The following APP variants were observed in gnomAD, a reference collection of about 807,000 sequenced individuals.
The protein encoded by APP is amyloid beta precursor protein.
APP carries 31 observed loss-of-function variants against 101.4 expected under a neutral mutation model. The ratio of observed to expected loss-of-function variants is 0.31; its 90% CI spans 0.23 to 0.41. The LOEUF (loss-of-function observed/expected upper bound fraction) is 0.41, where lower values mean the gene tolerates loss of function less well. Among genes scored for constraint, APP ranks in the 10% least tolerant of loss-of-function variants. The probability of loss-of-function intolerance (pLI) is 1.00; values close to 1 mark genes in which losing one functional copy is unlikely to be tolerated. For missense variants in APP, 839 were observed against 1,003.7 expected (o/e 0.84, Z 2.22); for synonymous variants, 366 against 364.4 (o/e 1.00, Z -0.05).
chr21:25,901,591 T>C (rs571864390), intron 15 of APP, among the ~76,000 whole-genome samples: 1 of 152,176 alleles, frequency 6.6e-6, no homozygotes, highest in Non-Finnish European at 1.5e-5. Flanking sequence ...AGCTGGCACA[T>C]AGGGAAATAT....
chr21:26,096,773 C>T (rs546787587), intron 2 of APP, among the ~76,000 whole-genome samples: 1 of 151,914 alleles, frequency 6.6e-6, no homozygotes, highest in African/African-American at 2.4e-5. Context: ...GAGACCCCGC[C>T]TCAAAAAAAC....
At chr21:26,000,841 G>A (rs1420322486) in intron 6 of APP, among the ~76,000 whole-genome samples, 3 of 151,096 alleles carry the variant, frequency 2.0e-5, no homozygotes, top group Non-Finnish European at 2.9e-5. Context: ...CATTTTATTT[G>A]TATATTAAAA....
Position 25,907,598 on chromosome 21 carries a change from T to C in APP, c.1910-2521A>G, listed in dbSNP as rs113683236. 5.2e-3 allele frequency among the ~76,000 whole-genome samples: 792 copies of C among 152,376 alleles called. 7 individuals are homozygous for C. Among genetic ancestry groups the C allele is most frequent in the African/African-American group, 0.018 (749 of 41,592 alleles). ...ATAAAATGTAAGCAGAAATGAGTTA[T>C]TCTCTTGCTCTCAGTAGCTTTGAAT... is the stretch of plus-strand genomic sequence containing the variant. On this transcript the variant is annotated intron_variant, in intron 14 of 17. Coordinates refer to ENST00000346798, the MANE Select transcript of APP (RefSeq NM_000484.4).
At chr21:26,164,680 C>T (rs905104458) in intron 1 of APP, among the ~76,000 whole-genome samples, 9 of 151,864 alleles carry the variant, frequency 5.9e-5, no homozygotes, top group Non-Finnish European at 1.2e-4. Flanking sequence ...ATGGTGAAAC[C>T]CCATCTCTAC....
rs368841366 is a variant in APP, at chr21:25,918,791, G to A, written c.1688-6829C>T. ...TCTGAGATCAAACTGCAAGGCGGCAGCGAGGCTGGGGGAGGGGAGCCCGCC... is the reference window on the plus strand; with the variant it reads ...TCTGAGATCAAACTGCAAGGCGGCAACGAGGCTGGGGGAGGGGAGCCCGCC... On this transcript the variant is annotated intron_variant, in intron 13 of 17. Transcript: ENST00000346798. Among the ~76,000 whole-genome samples, 79 of 150,472 alleles carry A rather than the reference G, an allele frequency of 5.3e-4. No individual in the cohort carries two copies. In the South Asian group the frequency reaches 9.9e-3, roughly 19 times the overall value.
At chr21:25,975,876 A>G (rs1229639535) in intron 10 of APP, 78 bp downstream of exon 10, 9 of 1,160,116 alleles carry the variant, frequency 7.8e-6, no homozygotes, top group East Asian at 2.4e-5. Flanking sequence ...GTGCTGGCAG[A>G]TAAAGGTAAA....
intron 11 of APP, among the ~76,000 whole-genome samples, chr21:25,970,804 A>ATCTTACGTATCTTACGTATCTTAC (rs2042003502): frequency 2.0e-5 from 3 of 152,154 alleles, no homozygotes; most frequent in Admixed American, 2.0e-4. Context: ...CAGGGTAAAT[A>ATCTTACGTATCTTACGTATCTTAC]GTATCTTACG....
intron 2 of APP, among the ~76,000 whole-genome samples, chr21:26,102,298 C>G (rs1477213269): frequency 1.3e-5 from 2 of 151,896 alleles, no homozygotes; most frequent in Non-Finnish European, 2.9e-5. Flanking sequence ...ACCGTGTTAG[C>G]CGGGATGGTC....
intron 1 of APP, among the ~76,000 whole-genome samples, chr21:26,131,221 C>G (rs1242072182): frequency 6.6e-6 from 1 of 151,134 alleles, no homozygotes; most frequent in African/African-American, 2.4e-5. Context: ...AAGAGCGAAA[C>G]GCCACCTCAA....
chr21:26,042,325 CTCA>C, intron 5 of APP, among the ~76,000 whole-genome samples: 1 of 152,254 alleles, frequency 6.6e-6, no homozygotes, highest in East Asian at 1.9e-4. Flanking sequence ...ACAGCCTGAG[CTCA>C]TCAGGTAAGG....
At chr21:26,027,829 TAAGCC>T in intron 5 of APP, among the ~76,000 whole-genome samples, 1 of 152,152 alleles carries the variant, frequency 6.6e-6, no homozygotes, top group South Asian at 2.1e-4. Flanking sequence ...GCTAAAGGCA[TAAGCC>T]CACCTGGGGC....
At chr21:25,965,882 T>C (rs1336515247) in intron 11 of APP, among the ~76,000 whole-genome samples, 1 of 152,164 alleles carries the variant, frequency 6.6e-6, no homozygotes, top group African/African-American at 2.4e-5. Context: ...TTAAAATACG[T>C]AGGTTTGCTG....
intron 3 of APP, among the ~76,000 whole-genome samples, chr21:26,065,042 C>T (rs563003737): frequency 5.9e-5 from 9 of 152,100 alleles, no homozygotes; most frequent in African/African-American, 1.7e-4. Flanking sequence ...TTAGTAGAGA[C>T]GGGGTTTTGC....
intron 3 of APP, among the ~76,000 whole-genome samples, chr21:26,059,169 T>G (rs1287520831): frequency 2.6e-5 from 4 of 151,990 alleles, no homozygotes; most frequent in Non-Finnish European, 4.4e-5. Context: ...AGTAGATTAA[T>G]GTAAAAGATT....
In APP at chr21:25,924,429, G is replaced by GAAAAT. The variant is rs2039788013; in HGVS notation, c.1688-12468_1688-12467insATTTT. On this transcript the variant is annotated intron_variant, in intron 13 of 17. Transcript: ENST00000346798. ...GCAAATACAAAAAAAAAAAAAAAAG[G>GAAAAT]AAAAAAAAAAAGGTTGAGTTCATGT... 3.7e-5 allele frequency among the ~76,000 whole-genome samples: 2 copies of GAAAAT among 53,692 alleles called. 1 individual carries two copies. Among genetic ancestry groups the GAAAAT allele is most frequent in the Non-Finnish European group, 6.3e-5 (2 of 31,878 alleles). The allele number at this position is 53,692 out of a possible 152,430, so 35.2% of individuals were successfully genotyped here. A position where few individuals can be genotyped will look rare whatever the true frequency, so the allele number is the denominator to read the frequency against.
chr21:25,915,804 C>T (rs889547194), intron 13 of APP, among the ~76,000 whole-genome samples: 2 of 152,198 alleles, frequency 1.3e-5, no homozygotes, highest in African/African-American at 4.8e-5. Flanking sequence ...CTGTAGTACC[C>T]TTTTCTCTTT....
intron 2 of APP, among the ~76,000 whole-genome samples, chr21:26,095,579 T>C (rs1400869603): frequency 2.0e-5 from 3 of 152,140 alleles, no homozygotes; most frequent in South Asian, 4.1e-4. Context: ...TATGTACCTA[T>C]AGGAAAAAAA....
chr21:25,937,585 AT>A (rs1472566952), intron 13 of APP, among the ~76,000 whole-genome samples: 1 of 152,220 alleles, frequency 6.6e-6, no homozygotes, highest in Non-Finnish European at 1.5e-5. Context: ...GCCTAAATGG[AT>A]AATTCTTTAA....
chr21:25,957,990 A>T (rs905009330), intron 11 of APP, among the ~76,000 whole-genome samples: 1 of 151,690 alleles, frequency 6.6e-6, no homozygotes. Context: ...TCTTTTAATT[A>T]AAAAAAACAA....
Sources: gnomAD v4.1 joint callset for allele counts (sites outside exome capture counted in the v4.1 genomes callset) on GRCh38, gnomAD v4.1.1 for gene constraint, MANE v1.5 for transcripts, NCBI Gene and HGNC (gene_info 2026-07-23, HGNC 2026-07-21) for gene names.